Variants in TENM1 observed in about 807,000 individuals in gnomAD.
TENM1 encodes the protein teneurin-1.
A neutral mutation model predicts 174.8 loss-of-function variants in TENM1; 35 were observed. The ratio of observed to expected loss-of-function variants is 0.20; its 90% CI spans 0.15 to 0.27. TENM1 has a LOEUF of 0.27. Among genes scored for constraint, TENM1 ranks in the 10% least tolerant of loss-of-function variants. The pLI is 1.00. For synonymous variants in TENM1, 781 were observed against 798.7 expected (o/e 0.98, Z 0.37); for missense variants, 1,633 against 2,130.1 (o/e 0.77, Z 4.59).
At position 124,613,316 on chromosome X, in the gene TENM1, G is replaced by C. The variant is rs1904486313; in HGVS notation, c.2077+28475C>G. Among the ~76,000 whole-genome samples, 3 of 111,367 alleles carry C rather than the reference G, an allele frequency of 2.7e-5. No homozygotes were observed. The South Asian group carries it at 1.1e-3, about 43-fold the overall frequency. On this transcript the variant is annotated intron_variant, in intron 11 of 31. Transcript: ENST00000422452. ...TAGAAATGACCCGGATAAGAAGTGA[G>C]GTTGTGAAAATCCAGGAAAGGGACA...
chrX:125,012,866 C>T, the TENM1 span, among the ~76,000 whole-genome samples: 6 of 111,785 alleles, frequency 5.4e-5, no homozygotes, highest in Admixed American at 4.8e-4. Context: ...AGTATCTAGT[C>T]GGTTGAGTAA....
intron 3 of TENM1, among the ~76,000 whole-genome samples, chrX:124,775,786 A>T (rs1156423691): frequency 1.8e-5 from 2 of 112,128 alleles, no homozygotes; most frequent in Non-Finnish European, 3.8e-5. Context: ...GGTAGAAAGT[A>T]CAGGTGACTC....
intron 11 of TENM1, among the ~76,000 whole-genome samples, chrX:124,588,591 T>G (rs1251402191): frequency 1.8e-5 from 2 of 110,197 alleles, no homozygotes; most frequent in Non-Finnish European, 3.8e-5. Context: ...TACCTAATGC[T>G]AAATGACGAG....
rs1196162446 is a variant in TENM1 at position 124,587,564 on chromosome X, T to C, written c.2078-22004A>G. Among the ~76,000 whole-genome samples the C allele has an allele frequency of 5.4e-5, 6 of 111,374 alleles. No homozygotes were observed. The East Asian group carries it at 1.7e-3, about 31-fold the overall frequency. ...CAAGATGGATTAAAGACTTAAACGTTAGACCTAAAACCATAAAAACCCTAG... is the reference window on the plus strand; with the variant it reads ...CAAGATGGATTAAAGACTTAAACGTCAGACCTAAAACCATAAAAACCCTAG... On this transcript the variant is annotated intron_variant, in intron 11 of 31. Transcript: ENST00000422452.
At chrX:124,827,861 C>T (rs1056863325) in intron 3 of TENM1, among the ~76,000 whole-genome samples, 2 of 111,586 alleles carry the variant, frequency 1.8e-5, no homozygotes, top group Non-Finnish European at 3.8e-5. Context: ...CACAGGTTTT[C>T]CCTCTTTAAG....
chrX:124,518,235 A>G (rs1212172748), intron 18 of TENM1, among the ~76,000 whole-genome samples: 1 of 110,041 alleles, frequency 9.1e-6, no homozygotes, highest in African/African-American at 3.3e-5. Flanking sequence ...GAGAGGGATA[A>G]ATACCCTGAG....
intron 11 of TENM1, among the ~76,000 whole-genome samples, chrX:124,567,757 T>C (rs773285685): frequency 3.9e-4 from 43 of 111,607 alleles, no homozygotes; most frequent in Non-Finnish European, 7.3e-4. Context: ...GAATCTCTGA[T>C]AATTTGTATT....
At chrX:124,842,419 TTA>T (rs1416909076) in intron 3 of TENM1, among the ~76,000 whole-genome samples, 1 of 111,455 alleles carries the variant, frequency 9.0e-6, no homozygotes, top group Non-Finnish European at 1.9e-5. Context: ...GATGCTCTAT[TTA>T]TGAAAAGGAA....
At chrX:124,910,008 C>T (rs1023751176) in intron 1 of TENM1, among the ~76,000 whole-genome samples, 4 of 111,981 alleles carry the variant, frequency 3.6e-5, no homozygotes, top group African/African-American at 1.3e-4. Flanking sequence ...GAGTTTTACA[C>T]GTATCACAGT....
intron 1 of TENM1, among the ~76,000 whole-genome samples, chrX:124,943,676 A>G (rs529321950): frequency 9.4e-4 from 105 of 112,206 alleles, no homozygotes; most frequent in African/African-American, 3.3e-3. Context: ...GGGATTATAC[A>G]TTGATTAGCT....
intron 4 of TENM1, among the ~76,000 whole-genome samples, chrX:124,731,613 T>G (rs1195773121): frequency 3.6e-5 from 4 of 111,382 alleles, no homozygotes; most frequent in African/African-American, 1.3e-4. Context: ...AACAGGTTGA[T>G]TAAATACAAA....
chrX:124,464,416 G>A (rs2061219060), intron 22 of TENM1, among the ~76,000 whole-genome samples: 1 of 112,005 alleles, frequency 8.9e-6, no homozygotes, highest in Admixed American at 9.5e-5. Flanking sequence ...TAACTCAAGA[G>A]GAATTAAAAT....
intron 31 of TENM1, among the ~76,000 whole-genome samples, chrX:124,382,396 C>A (rs2060167776): frequency 9.0e-6 from 1 of 111,270 alleles, no homozygotes; most frequent in Non-Finnish European, 1.9e-5. Context: ...TAGCCCATTT[C>A]AGAATTTTTA....
chrX:124,387,433 C>T (rs1250891372), intron 28 of TENM1, among the ~76,000 whole-genome samples: 1 of 111,439 alleles, frequency 9.0e-6, no homozygotes, highest in Non-Finnish European at 1.9e-5. Context: ...GATATGACTC[C>T]CTAGAGGAGC....
intron 15 of TENM1, among the ~76,000 whole-genome samples, chrX:124,537,280 GAT>G (rs1219459651): frequency 5.4e-5 from 6 of 111,229 alleles, no homozygotes; most frequent in African/African-American, 2.0e-4. Context: ...ATAATTATTA[GAT>G]ATATATGTTG....
intron 5 of TENM1, among the ~76,000 whole-genome samples, chrX:124,703,696 T>A (rs936936223): frequency 6.2e-5 from 7 of 112,030 alleles, no homozygotes; most frequent in Middle Eastern, 4.6e-3. Flanking sequence ...CATGTTTGAG[T>A]TGTAGAACTT....
chrX:124,515,277 G>A (rs759406435), intron 18 of TENM1, among the ~76,000 whole-genome samples: 1 of 111,694 alleles, frequency 9.0e-6, no homozygotes, highest in East Asian at 2.8e-4. Context: ...CATTCCCCTT[G>A]AAAACTGGCA....
At chrX:125,203,964 C>G in the TENM1 span, 1 of 112,987 alleles carries the variant, frequency 8.9e-6, no homozygotes, top group Non-Finnish European at 1.9e-5. Flanking sequence ...TTCGAGCTGC[C>G]GCTCGGGCCC....
intron 1 of TENM1, among the ~76,000 whole-genome samples, chrX:124,958,183 T>C (rs1047153482): frequency 9.0e-6 from 1 of 111,604 alleles, no homozygotes; most frequent in African/African-American, 3.3e-5. Context: ...ATCCCTTAAT[T>C]CAAAAGCTTT....
Sources: allele counts gnomAD v4.1 joint callset (sites outside exome capture counted in the v4.1 genomes callset), GRCh38; gene constraint gnomAD v4.1.1; transcripts MANE v1.5; gene names NCBI Gene and HGNC (gene_info 2026-07-23, HGNC 2026-07-21).